The following MED26 variants were observed in gnomAD, a reference collection of about 807,000 sequenced individuals.
MED26 encodes mediator complex subunit 26, also known as mediator of RNA polymerase II transcription subunit 26.
Under a neutral mutation model 43.7 loss-of-function variants are expected in MED26, and 7 were observed. That is an observed-to-expected ratio of 0.16 (90% confidence interval 0.09 to 0.30). The LOEUF (loss-of-function observed/expected upper bound fraction) is 0.30, where lower values mean the gene tolerates loss of function less well. Ranked by LOEUF, MED26 falls within the 10% of genes least tolerant of loss-of-function variation. The pLI is 1.00. For synonymous variants in MED26, 375 were observed against 371.1 expected (o/e 1.01, Z -0.12); for missense variants, 784 against 840.6 (o/e 0.93, Z 0.83).
intron 1 of MED26, among the ~76,000 whole-genome samples, chr19:16,581,056 TG>T (rs1338022925): frequency 1.3e-5 from 2 of 152,152 alleles, no homozygotes; most frequent in Non-Finnish European, 2.9e-5. Context: ...CCACTTCCAG[TG>T]GGAGGCAGCC....
intron 1 of MED26, among the ~76,000 whole-genome samples, chr19:16,599,416 C>T (rs1020921452): frequency 6.6e-6 from 1 of 152,178 alleles, no homozygotes; most frequent in African/African-American, 2.4e-5. Context: ...TGTCACGCCT[C>T]TCACAAACAC....
intron 1 of MED26, among the ~76,000 whole-genome samples, chr19:16,625,637 C>T (rs576109361): frequency 2.0e-4 from 30 of 152,026 alleles, no homozygotes; most frequent in African/African-American, 7.0e-4. Flanking sequence ...GAGAGCGGCA[C>T]GCCGGCAGCA....
intron 1 of MED26, among the ~76,000 whole-genome samples, chr19:16,581,540 ACTGCC>A (rs778926642): frequency 5.9e-5 from 9 of 152,242 alleles, no homozygotes; most frequent in Non-Finnish European, 1.3e-4. Context: ...AGAGCAGAAC[ACTGCC>A]CAGACCCAGC....
intron 1 of MED26, among the ~76,000 whole-genome samples, chr19:16,607,705 G>A (rs1401014426): frequency 1.3e-5 from 2 of 152,054 alleles, no homozygotes; most frequent in Non-Finnish European, 2.9e-5. Flanking sequence ...ACACAAATTC[G>A]TAAACTTTCT....
chr19:16,627,491 C>T (rs1376378192), intron 1 of MED26, among the ~76,000 whole-genome samples: 1 of 152,266 alleles, frequency 6.6e-6, no homozygotes, highest in African/African-American at 2.4e-5. Flanking sequence ...CACAGCCCTT[C>T]TCCCTCCCCT....
intron 1 of MED26, chr19:16,578,776 G>T (rs966917808): frequency 1.3e-5 from 3 of 223,740 alleles, no homozygotes; most frequent in African/African-American, 7.0e-5. Context: ...AGACACGGAA[G>T]AATTCATCGA....
rs2086292357 is a variant in MED26, at chr19:16,628,119, C to G, written c.-176G>C. On this transcript the variant is annotated 5_prime_UTR_variant, in exon 1 of 3. Coordinates refer to ENST00000263390, the MANE Select transcript of MED26 (RefSeq NM_004831.5). Reference sequence around the variant, plus strand: ...GGGAGCCGGGGCCGGGTCTCGGTCCCGGGCCGCCGCCGCCACCAAAGGAGG... The same window carrying G: ...GGGAGCCGGGGCCGGGTCTCGGTCCGGGGCCGCCGCCGCCACCAAAGGAGG... 2.7e-6 allele frequency: 1 copy of G among 373,894 alleles called. No individual in the cohort carries two copies. Among genetic ancestry groups the G allele is most frequent in the Non-Finnish European group, 4.7e-6 (1 of 212,160 alleles). The allele number at this position is 373,894 out of a possible 1,614,324, so 23.2% of individuals were successfully genotyped here. A position where few individuals can be genotyped will look rare whatever the true frequency, so the allele number is the denominator to read the frequency against.
At chr19:16,606,810 A>G (rs561300850) in intron 1 of MED26, among the ~76,000 whole-genome samples, 66 of 152,352 alleles carry the variant, frequency 4.3e-4, no homozygotes, top group Non-Finnish European at 4.9e-4. Context: ...GGTGTCTGGC[A>G]TCAGGAGCAC....
intron 1 of MED26, among the ~76,000 whole-genome samples, chr19:16,614,557 G>A (rs2086214439): frequency 6.6e-6 from 1 of 152,048 alleles, no homozygotes; most frequent in Non-Finnish European, 1.5e-5. Flanking sequence ...AAAAAGGTGG[G>A]GGGTGGGTGG....
chr19:16,626,931 C>T (rs2086279790), intron 1 of MED26, among the ~76,000 whole-genome samples: 1 of 132,590 alleles, frequency 7.5e-6, no homozygotes, highest in Admixed American at 7.3e-5. Context: ...ACCCCCCCAC[C>T]CCCGCAACAA....
intron 1 of MED26, among the ~76,000 whole-genome samples, chr19:16,597,605 T>C (rs2086127120): frequency 6.6e-6 from 1 of 152,206 alleles, no homozygotes; most frequent in African/African-American, 2.4e-5. Flanking sequence ...TCACCCTCTC[T>C]CTCCTGGTTC....
intron 1 of MED26, among the ~76,000 whole-genome samples, chr19:16,591,941 G>C (rs962166593): frequency 6.6e-6 from 1 of 152,130 alleles, no homozygotes; most frequent in Admixed American, 6.5e-5. Context: ...TCAACAGCAC[G>C]GGCATCACCA....
rs1334398690 is a variant in MED26 at position 16,627,977 on chromosome 19, AGCGGGCGG to A, written c.-42_-35del. ...CGAGGCGGGGGGTTGCGGCCGGGCC[AGCGGGCGG>A]GCGGGCTGAGGCGGGGGACGGGGGT... On this transcript the variant is annotated 5_prime_UTR_variant, in exon 1 of 3. Transcript: ENST00000263390. The A allele has an allele frequency of 7.2e-6, 10 of 1,393,296 alleles. No homozygotes were observed. The highest frequency in any genetic ancestry group is 8.5e-6 in the Non-Finnish European group (9 of 1,060,136). 86.3% of individuals were successfully genotyped at this position (1,393,296 alleles called of 1,614,324 possible). A position where few individuals can be genotyped will look rare whatever the true frequency, so the allele number is the denominator to read the frequency against.
intron 1 of MED26, among the ~76,000 whole-genome samples, chr19:16,610,039 T>G (rs73516943): frequency 0.14 from 20,810 of 150,648 alleles, 1,672 homozygotes; most frequent in African/African-American, 0.22. Flanking sequence ...CCCTTTGGGA[T>G]GCCAAGGCGG....
chr19:16,593,203 A>G (rs375907198), intron 1 of MED26, among the ~76,000 whole-genome samples: 12 of 152,180 alleles, frequency 7.9e-5, no homozygotes, highest in East Asian at 3.9e-4. Flanking sequence ...TGCATATTTC[A>G]TCGGCACCCT....
intron 1 of MED26, among the ~76,000 whole-genome samples, chr19:16,617,250 C>G (rs2086230529): frequency 6.6e-6 from 1 of 152,190 alleles, no homozygotes; most frequent in African/African-American, 2.4e-5. Context: ...CGTGCCCCCT[C>G]CCCATTCCAG....
intron 1 of MED26, 30 bp from the exon 2 acceptor site, chr19:16,578,439 C>T (rs564503529): frequency 1.9e-6 from 3 of 1,609,062 alleles, no homozygotes; most frequent in African/African-American, 2.7e-5. Flanking sequence ...TTTGTCAGGT[C>T]CCTGTCCTTC....
intron 1 of MED26, among the ~76,000 whole-genome samples, chr19:16,579,635 T>G (rs924020796): frequency 6.6e-6 from 1 of 152,128 alleles, no homozygotes; most frequent in African/African-American, 2.4e-5. Context: ...AGGTTTCTGG[T>G]GGGCTGGCTA....
intron 1 of MED26, chr19:16,611,988 C>G (rs2086201559): frequency 6.6e-6 from 1 of 152,042 alleles, no homozygotes; most frequent in African/African-American, 2.4e-5. Context: ...AGTAAAATTA[C>G]TGGGTCACAG....
Sources: allele counts gnomAD v4.1 joint callset (sites outside exome capture counted in the v4.1 genomes callset), GRCh38; gene constraint gnomAD v4.1.1; transcripts MANE v1.5; gene names NCBI Gene and HGNC (gene_info 2026-07-23, HGNC 2026-07-21).